GNA13: variants seen among roughly 807,000 people sequenced by gnomAD.
The protein encoded by GNA13 is G protein subunit alpha 13, also known as guanine nucleotide-binding protein subunit alpha-13.
A neutral mutation model predicts 33.5 loss-of-function variants in GNA13; 4 were observed. The ratio of observed to expected loss-of-function variants is 0.12; its 90% CI spans 0.06 to 0.27. The LOEUF is 0.27. GNA13 is among the 10% of genes least tolerant of loss of function. GNA13 has a pLI of 1.00. For synonymous variants in GNA13, 176 were observed against 183.8 expected, an observed-to-expected ratio of 0.96 and a Z score of 0.34; for missense variants, 319 against 487.2, an observed-to-expected ratio of 0.65 and a Z score of 3.25.
intron 2 of GNA13, among the ~76,000 whole-genome samples, chr17:65,033,578 A>G (rs1250845275): frequency 6.6e-6 from 1 of 152,170 alleles, no homozygotes; most frequent in Non-Finnish European, 1.5e-5. Flanking sequence ...CAGGAGGAGT[A>G]AAATGTTCAG....
At chr17:65,037,787 A>AAAAAAAAAAAAAAAAC (rs1397963374) in intron 2 of GNA13, among the ~76,000 whole-genome samples, 1 of 149,148 alleles carries the variant, frequency 6.7e-6, no homozygotes, top group East Asian at 2.0e-4. Context: ...GGAAAAAAAA[A>AAAAAAAAAAAAAAAAC]AAAAAAAAAA....
chr17:65,026,635 GATCA>G (rs997259431), intron 2 of GNA13, among the ~76,000 whole-genome samples: 1 of 152,104 alleles, frequency 6.6e-6, no homozygotes, highest in Non-Finnish European at 1.5e-5. Context: ...AGAACTTCTA[GATCA>G]TTCAAGATCT....
chr17:65,055,766 T>TCC (rs1356853911), intron 1 of GNA13: 55 of 985,146 alleles, frequency 5.6e-5, no homozygotes, highest in Non-Finnish European at 6.5e-5. Flanking sequence ...GGCAAAAAGT[T>TCC]CCCTTATTGC....
chr17:65,028,427 AT>A (rs1327046408), intron 2 of GNA13, among the ~76,000 whole-genome samples: 3 of 150,170 alleles, frequency 2.0e-5, no homozygotes, highest in South Asian at 2.1e-4. Context: ...AAAAAAAAAA[AT>A]ACCACCTACC....
chr17:65,019,900 C>T (rs548920598), intron 2 of GNA13, among the ~76,000 whole-genome samples: 1 of 152,244 alleles, frequency 6.6e-6, no homozygotes, highest in South Asian at 2.1e-4. Flanking sequence ...GTGATTATTA[C>T]GCATTGCATG....
At chr17:65,022,147 T>C (rs1208765119) in intron 2 of GNA13, among the ~76,000 whole-genome samples, 1 of 152,216 alleles carries the variant, frequency 6.6e-6, no homozygotes, top group Non-Finnish European at 1.5e-5. Context: ...TATTTCATGA[T>C]ATGTAAAAAT....
chr17:65,055,767 C>G, intron 1 of GNA13: 1 of 985,394 alleles, frequency 1.0e-6, no homozygotes. Flanking sequence ...GCAAAAAGTT[C>G]CCTTATTGCG....
chr17:65,053,759 G>C, intron 1 of GNA13, 31 bp from the exon 2 acceptor site: 1 of 1,307,628 alleles, frequency 7.6e-7, no homozygotes, highest in Non-Finnish European at 1.1e-6. Flanking sequence ...AAAAATGTAT[G>C]GAGAGGAGTC....
At chr17:65,041,370 CTTT>C (rs140904457) in intron 2 of GNA13, among the ~76,000 whole-genome samples, 5,948 of 151,898 alleles carry the variant, frequency 0.039, 343 homozygotes, top group African/African-American at 0.13. Flanking sequence ...ATACTTTCTT[CTTT>C]GAGGGGAGCA....
At chr17:65,034,055 T>C (rs1222685263) in intron 2 of GNA13, among the ~76,000 whole-genome samples, 1 of 122,182 alleles carries the variant, frequency 8.2e-6, no homozygotes, top group African/African-American at 2.8e-5. Flanking sequence ...AGAACCAAAA[T>C]TAGTCAGTTA....
At chr17:65,048,314 CCT>C (rs1306707503) in intron 2 of GNA13, among the ~76,000 whole-genome samples, 6 of 151,538 alleles carry the variant, frequency 4.0e-5, no homozygotes, top group South Asian at 2.1e-4. Context: ...CCAGCCAACC[CCT>C]GACTCCCATC....
chr17:65,011,611 A>G lies in GNA13; in HGVS notation c.*2646T>C, dbSNP rs1411253246. 1 of 219,110 alleles carries G rather than the reference A, an allele frequency of 4.6e-6. No homozygotes were observed. The highest frequency in any genetic ancestry group is 5.8e-5 in the Admixed American group (1 of 17,312). The allele number at this position is 219,110 out of a possible 1,614,324, so 13.6% of individuals were successfully genotyped here. A position where few individuals can be genotyped will look rare whatever the true frequency, so the allele number is the denominator to read the frequency against. ...ACATTTCTTCAAGGTCAATGAAGAC[A>G]CTTGTGTGATATTTCCTCAGAATTA... On this transcript the variant is annotated 3_prime_UTR_variant, in exon 4 of 4. Transcript: ENST00000439174.
rs1325139740 is a variant in GNA13 at position 65,056,679 on chromosome 17, T to G, written c.-86A>C. On this transcript the variant is annotated 5_prime_UTR_variant, in exon 1 of 4. Coordinates refer to ENST00000439174, the MANE Select transcript of GNA13 (RefSeq NM_006572.6). ...CGGCGGGCGGCTCCGGCACCGAGGC[T>G]CGAGGGCGGGGAGCGCGGCGGCGGC... The G allele has an allele frequency of 9.7e-7, 1 of 1,032,678 alleles. No individual in the cohort carries two copies. The highest frequency in any genetic ancestry group is 4.2e-5 in the Admixed American group (1 of 23,532). 64.0% of individuals were successfully genotyped at this position (1,032,678 alleles called of 1,614,324 possible).
chr17:65,044,967 T>C (rs11656789), intron 2 of GNA13, among the ~76,000 whole-genome samples: 6,084 of 145,628 alleles, frequency 0.042, 196 homozygotes, highest in Middle Eastern at 0.079. Flanking sequence ...TGGCTGAGCC[T>C]GGGAGGTGGA....
chr17:65,055,505 A>G, intron 1 of GNA13: 1 of 479,714 alleles, frequency 2.1e-6, no homozygotes. Context: ...AAATAGAAGC[A>G]GTGGTACTCC....
chr17:65,040,370 C>T (rs1907409575), intron 2 of GNA13, among the ~76,000 whole-genome samples: 1 of 152,164 alleles, frequency 6.6e-6, no homozygotes, highest in South Asian at 2.1e-4. Flanking sequence ...GTAAATGTGG[C>T]AAGCTGGTAA....
intron 2 of GNA13, among the ~76,000 whole-genome samples, chr17:65,037,857 T>C (rs1907314167): frequency 7.1e-6 from 1 of 140,574 alleles, no homozygotes; most frequent in Admixed American, 7.4e-5. Flanking sequence ...TTTCCCCGAG[T>C]AATCATATCA....
intron 1 of GNA13, chr17:65,055,837 T>G (rs1421214676): frequency 2.5e-6 from 2 of 810,530 alleles, no homozygotes; most frequent in African/African-American, 3.7e-5. Flanking sequence ...TGGGAGCGCA[T>G]GCGACCCCAT....
intron 2 of GNA13, among the ~76,000 whole-genome samples, chr17:65,039,362 A>T (rs945500682): frequency 6.6e-6 from 1 of 152,154 alleles, no homozygotes; most frequent in African/African-American, 2.4e-5. Flanking sequence ...TAACTTCCAC[A>T]CAGCAGCCTG....
Sources: allele counts gnomAD v4.1 joint callset (sites outside exome capture counted in the v4.1 genomes callset), GRCh38; gene constraint gnomAD v4.1.1; transcripts MANE v1.5; gene names NCBI Gene and HGNC (gene_info 2026-07-23, HGNC 2026-07-21).